Variants in ARID1B observed in about 807,000 individuals in gnomAD.
The protein encoded by ARID1B is AT-rich interaction domain 1B.
A neutral mutation model predicts 212.3 loss-of-function variants in ARID1B; 30 were observed. That is an observed-to-expected ratio of 0.14 (90% confidence interval 0.11 to 0.19). The LOEUF (loss-of-function observed/expected upper bound fraction) is 0.19. ARID1B is among the 10% of genes least tolerant of loss of function. The probability of loss-of-function intolerance (pLI) is 1.00; values close to 1 mark genes in which losing one functional copy is unlikely to be tolerated. For missense variants in ARID1B, 2,891 were observed against 3,204.0 expected, an observed-to-expected ratio of 0.90 and a Z score of 2.36; for synonymous variants, 1,402 against 1,301.7, an observed-to-expected ratio of 1.08 and a Z score of -1.66.
At chr6:157,056,856 T>C (rs190506236) in intron 4 of ARID1B, among the ~76,000 whole-genome samples, 1 of 151,542 alleles carries the variant, frequency 6.6e-6, no homozygotes, top group Admixed American at 6.6e-5. Flanking sequence ...TTTTAACTTT[T>C]TTTGTTAAAA....
rs114221768 is a variant in ARID1B, at chr6:157,100,516, A to G, written c.2492-9956A>G. Among the ~76,000 whole-genome samples the G allele has an allele frequency of 2.2e-3, 333 of 152,360 alleles. 1 individual carries two copies. Among genetic ancestry groups the G allele is most frequent in the African/African-American group, 7.7e-3 (319 of 41,576 alleles). On this transcript the variant is annotated intron_variant, in intron 5 of 19. Transcript: ENST00000636930. ...TTTTTTCCGTTCTTGAAGCAAGTGAAATAGAAAACACTGAACAGAAGGATG... is the reference window on the plus strand; with the variant it reads ...TTTTTTCCGTTCTTGAAGCAAGTGAGATAGAAAACACTGAACAGAAGGATG...
chr6:156,881,458 C>T (rs968710744), intron 2 of ARID1B, among the ~76,000 whole-genome samples: 1 of 152,160 alleles, frequency 6.6e-6, no homozygotes, highest in Non-Finnish European at 1.5e-5. Context: ...AATGTATGCA[C>T]ACATCTATGT....
At chr6:157,175,144 G>A (rs1792012894) in intron 11 of ARID1B, 139 bp downstream of exon 11, 1 of 746,518 alleles carries the variant, frequency 1.3e-6, no homozygotes, top group Admixed American at 4.4e-5. Flanking sequence ...CCATGAAAGG[G>A]TTTTCTTTAT....
intron 3 of ARID1B, among the ~76,000 whole-genome samples, chr6:156,932,776 C>G (rs529646697): frequency 2.6e-5 from 4 of 152,300 alleles, no homozygotes; most frequent in African/African-American, 9.6e-5. Flanking sequence ...GTTGATTGTT[C>G]TAGGTTTAAA....
At chr6:157,105,336 AT>A in intron 5 of ARID1B, among the ~76,000 whole-genome samples, 1 of 152,326 alleles carries the variant, frequency 6.6e-6, no homozygotes, top group Admixed American at 6.5e-5. Flanking sequence ...ATTAAAAAAA[AT>A]TTCCGCTACA....
At chr6:156,853,933 A>G (rs963183484) in intron 2 of ARID1B, among the ~76,000 whole-genome samples, 18 of 151,926 alleles carry the variant, frequency 1.2e-4, no homozygotes, top group African/African-American at 4.1e-4. Context: ...GGGTCTCACT[A>G]TGTTGCCCAG....
chr6:156,807,312 T>C (rs896824909), intron 1 of ARID1B, among the ~76,000 whole-genome samples: 16 of 152,162 alleles, frequency 1.1e-4, no homozygotes, highest in African/African-American at 3.9e-4. Flanking sequence ...GAAGCTTGCA[T>C]GTCAGAAACC....
chr6:157,103,276 A>G (rs1208084227), intron 5 of ARID1B, among the ~76,000 whole-genome samples: 1 of 152,204 alleles, frequency 6.6e-6, no homozygotes, highest in Non-Finnish European at 1.5e-5. Flanking sequence ...TACTTATTGA[A>G]TGGTTACTAT....
At chr6:157,082,676 G>A (rs1033457094) in intron 4 of ARID1B, among the ~76,000 whole-genome samples, 6 of 152,086 alleles carry the variant, frequency 3.9e-5, no homozygotes, top group African/African-American at 7.2e-5. Context: ...TCAGCTTCCC[G>A]AGTAGCTGGG....
intron 4 of ARID1B, among the ~76,000 whole-genome samples, chr6:157,056,400 C>T (rs935157645): frequency 2.6e-5 from 4 of 152,190 alleles, no homozygotes; most frequent in Admixed American, 2.6e-4. Context: ...AAATGATAAG[C>T]ATCTTTAACA....
chr6:157,096,607 C>T (rs1785651166), intron 5 of ARID1B, among the ~76,000 whole-genome samples: 1 of 152,246 alleles, frequency 6.6e-6, no homozygotes, highest in Non-Finnish European at 1.5e-5. Context: ...GTGGCCTGCA[C>T]AGCCCTCCTT....
At chr6:157,039,227 A>T (rs1357957104) in intron 4 of ARID1B, among the ~76,000 whole-genome samples, 2 of 152,070 alleles carry the variant, frequency 1.3e-5, no homozygotes, top group Non-Finnish European at 2.9e-5. Context: ...TTTTTCAACA[A>T]TCCAGTGACT....
At chr6:156,896,160 G>A (rs544318422) in intron 2 of ARID1B, among the ~76,000 whole-genome samples, 26 of 152,306 alleles carry the variant, frequency 1.7e-4, no homozygotes, top group Admixed American at 1.3e-3. Flanking sequence ...GTCAATTGTA[G>A]TAGACAGGAC....
Position 157,100,742 on chromosome 6 carries a change from C to T in ARID1B, c.2492-9730C>T, listed in dbSNP as rs145793850. Among the ~76,000 whole-genome samples, 881 of 152,300 alleles carry T rather than the reference C, an allele frequency of 5.8e-3. 8 individuals carry two copies. The highest frequency in any genetic ancestry group is 0.02 in the African/African-American group (845 of 41,566). ...CATCTTACCATACTCTAGCTTCTTA[C>T]TAACTGAGATAAGATGTACAGTGAT... On this transcript the variant is annotated intron_variant, in intron 5 of 19. Coordinates refer to ENST00000636930, the MANE Select transcript of ARID1B (RefSeq NM_001374828.1).
chr6:157,174,836 C>A lies in ARID1B; in HGVS notation c.3346-11C>A. 3 of 1,464,320 alleles carry A rather than the reference C, an allele frequency of 2.0e-6. No individual in the cohort carries two copies. Among genetic ancestry groups the A allele is most frequent in the East Asian group, 2.7e-5 (1 of 37,038 alleles). The allele number at this position is 1,464,320 out of a possible 1,614,324, so 90.7% of individuals were successfully genotyped here. A position where few individuals can be genotyped will look rare whatever the true frequency, so the allele number is the denominator to read the frequency against. ...TTTGTCATTTTTTTTTTTTTTATTCCTCTACCACAGGATAGCTACAGCTCT... is the reference window on the plus strand; with the variant it reads ...TTTGTCATTTTTTTTTTTTTTATTCATCTACCACAGGATAGCTACAGCTCT... On this transcript the variant is annotated splice_polypyrimidine_tract_variant and intron_variant, in intron 10 of 19. Transcript: ENST00000636930.
intron 4 of ARID1B, among the ~76,000 whole-genome samples, chr6:157,033,856 T>C (rs1354520306): frequency 6.6e-6 from 1 of 152,218 alleles, no homozygotes; most frequent in African/African-American, 2.4e-5. Flanking sequence ...GTCTTTGCCT[T>C]TAGGAAGTTT....
At chr6:156,934,912 TTATATATATATATATATATA>T (rs201495355) in intron 3 of ARID1B, among the ~76,000 whole-genome samples, 1,130 of 52,670 alleles carry the variant, frequency 0.021, 34 homozygotes, top group South Asian at 0.042. Context: ...TAGTTGTTAA[TTATATATATATATATATATA>T]TATATATATA....
chr6:156,814,290 G>A (rs1781812195), intron 1 of ARID1B, among the ~76,000 whole-genome samples: 1 of 151,944 alleles, frequency 6.6e-6, no homozygotes, highest in South Asian at 2.1e-4. Context: ...ATGGTGGCAC[G>A]CGCCTATGGT....
intron 4 of ARID1B, among the ~76,000 whole-genome samples, chr6:157,049,505 G>A (rs1319704253): frequency 2.0e-5 from 3 of 152,158 alleles, no homozygotes; most frequent in Non-Finnish European, 2.9e-5. Flanking sequence ...AGCTACACAT[G>A]GCAGTTTAAA....
Sources: allele counts gnomAD v4.1 joint callset (sites outside exome capture counted in the v4.1 genomes callset), GRCh38; gene constraint gnomAD v4.1.1; transcripts MANE v1.5; gene names NCBI Gene and HGNC (gene_info 2026-07-23, HGNC 2026-07-21).